The following GPM6A variants were observed in gnomAD, a reference collection of about 807,000 sequenced individuals.
GPM6A encodes glycoprotein M6A.
GPM6A carries 7 observed loss-of-function variants against 32.1 expected under a neutral mutation model. The ratio of observed to expected loss-of-function variants is 0.22; its 90% CI spans 0.12 to 0.41. The LOEUF (loss-of-function observed/expected upper bound fraction) is 0.41. Among genes scored for constraint, GPM6A ranks in the 10% least tolerant of loss-of-function variants. The probability of loss-of-function intolerance (pLI) is 1.00; values close to 1 mark genes in which losing one functional copy is unlikely to be tolerated. For missense variants in GPM6A, 235 were observed against 347.2 expected (o/e 0.68, Z 2.57); for synonymous variants, 130 against 123.4 (o/e 1.05, Z -0.35).
At chr4:175,793,135 C>A (rs1734076877) in intron 1 of GPM6A, among the ~76,000 whole-genome samples, 1 of 152,070 alleles carries the variant, frequency 6.6e-6, no homozygotes. Context: ...TACAGATGAG[C>A]CTACTATTAT....
At chr4:175,885,162 G>T (rs1285893024) in intron 1 of GPM6A, among the ~76,000 whole-genome samples, 1 of 152,064 alleles carries the variant, frequency 6.6e-6, no homozygotes, top group Non-Finnish European at 1.5e-5. Flanking sequence ...AATAAATTGT[G>T]GTATAACCAT....
At position 175,711,677 on chromosome 4, in the gene GPM6A, G is replaced by A. The variant is rs764702908; in HGVS notation, c.38-9910C>T. On this transcript the variant is annotated intron_variant, in intron 1 of 6. Coordinates refer to ENST00000393658, the MANE Select transcript of GPM6A (RefSeq NM_201591.3). ...GAATCCCCAGCTGTCTTGTGCATTC[G>A]GAGGATGGAGTTGGGCCTGGAGAAG... Among the ~76,000 whole-genome samples, 23 of 140,104 alleles carry A rather than the reference G, an allele frequency of 1.6e-4. 1 individual carries two copies. The highest frequency in any genetic ancestry group is 2.5e-4 in the Non-Finnish European group (16 of 64,858). 91.9% of individuals were successfully genotyped at this position (140,104 alleles called of 152,430 possible).
chr4:175,830,054 A>G (rs1439788568), intron 1 of GPM6A, among the ~76,000 whole-genome samples: 2 of 152,068 alleles, frequency 1.3e-5, no homozygotes, highest in Non-Finnish European at 2.9e-5. Context: ...ACTGCCACTG[A>G]TTTGAGGCAG....
rs534566337 is a variant in GPM6A at position 175,875,198 on chromosome 4, G to A, written c.-22-62949C>T. On this transcript the variant is annotated intron_variant, in intron 1 of 7. Coordinates refer to the GPM6A transcript ENST00000280187. ...TGTGCCCTGACAGGTTTCTGCCGAAGAATGATTCCCACAGCTCCCAGTTTC... is the reference window on the plus strand; with the variant it reads ...TGTGCCCTGACAGGTTTCTGCCGAAAAATGATTCCCACAGCTCCCAGTTTC... Among the ~76,000 whole-genome samples, 6 of 152,334 alleles carry A rather than the reference G, an allele frequency of 3.9e-5. No individual in the cohort carries two copies. The South Asian group carries it at 1.0e-3, about 26-fold the overall frequency.
intron 1 of GPM6A, among the ~76,000 whole-genome samples, chr4:175,871,973 T>C (rs1304239998): frequency 6.6e-6 from 1 of 152,228 alleles, no homozygotes; most frequent in Non-Finnish European, 1.5e-5. Flanking sequence ...AGAAAATGTC[T>C]GACTCATTCC....
At chr4:175,958,170 G>A (rs1740049620) in intron 1 of GPM6A, among the ~76,000 whole-genome samples, 1 of 152,220 alleles carries the variant, frequency 6.6e-6, no homozygotes, top group African/African-American at 2.4e-5. Flanking sequence ...TGGGATTACA[G>A]GCGTGAGCCA....
At chr4:175,711,429 T>TATATATATATATATATATATATAC (rs1745528179) in intron 1 of GPM6A, among the ~76,000 whole-genome samples, 1 of 66,552 alleles carries the variant, frequency 1.5e-5, no homozygotes, top group African/African-American at 5.3e-5. Context: ...TATATATATA[T>TATATATATATATATATATATATAC]ATATATATAT....
intron 4 of GPM6A, among the ~76,000 whole-genome samples, chr4:175,644,154 C>T (rs1324437281): frequency 8.2e-6 from 1 of 121,404 alleles, no homozygotes; most frequent in African/African-American, 3.1e-5. Context: ...GATGGAGTCT[C>T]GCTCTTTTGC....
intron 1 of GPM6A, among the ~76,000 whole-genome samples, chr4:175,942,594 T>C (rs1739448170): frequency 6.6e-6 from 1 of 152,208 alleles, no homozygotes; most frequent in South Asian, 2.1e-4. Flanking sequence ...TTTCTGCGTA[T>C]GGCTAGCCAG....
intron 1 of GPM6A, among the ~76,000 whole-genome samples, chr4:175,909,048 G>GA (rs201665054): frequency 1.0e-3 from 93 of 89,708 alleles, no homozygotes; most frequent in Middle Eastern, 0.01. Context: ...AGGGCGGGGG[G>GA]GGGGCAACTA....
intron 6 of GPM6A, among the ~76,000 whole-genome samples, chr4:175,637,739 T>C (rs1579326261): frequency 1.2e-5 from 1 of 84,980 alleles, no homozygotes; most frequent in Non-Finnish European, 2.1e-5. Context: ...TTATATATTA[T>C]ATAAAAATAT....
chr4:175,985,623 CT>C (rs1378328623), intron 1 of GPM6A, among the ~76,000 whole-genome samples: 1 of 152,080 alleles, frequency 6.6e-6, no homozygotes, highest in African/African-American at 2.4e-5. Flanking sequence ...AGTGAGTGTC[CT>C]TTTCCTGTAC....
At chr4:175,919,673 C>G (rs1052671491) in intron 1 of GPM6A, among the ~76,000 whole-genome samples, 2 of 152,188 alleles carry the variant, frequency 1.3e-5, no homozygotes, top group African/African-American at 2.4e-5. Context: ...CTCTCCTTCT[C>G]TCTCACATTA....
intron 1 of GPM6A, among the ~76,000 whole-genome samples, chr4:175,942,460 G>A (rs1297549692): frequency 1.3e-5 from 2 of 152,194 alleles, no homozygotes; most frequent in Non-Finnish European, 2.9e-5. Flanking sequence ...CCATGCCTAT[G>A]TCCTGAATGG....
chr4:175,695,390 T>C (rs1744521719), intron 2 of GPM6A, among the ~76,000 whole-genome samples: 1 of 152,186 alleles, frequency 6.6e-6, no homozygotes, highest in Non-Finnish European at 1.5e-5. Flanking sequence ...GACTGAACCC[T>C]GAAAAGTCAC....
At chr4:175,833,620 A>G (rs1735681149) in intron 1 of GPM6A, among the ~76,000 whole-genome samples, 1 of 152,178 alleles carries the variant, frequency 6.6e-6, no homozygotes, top group South Asian at 2.1e-4. Flanking sequence ...TAATTAAGAT[A>G]TATTATTTTC....
intron 1 of GPM6A, among the ~76,000 whole-genome samples, chr4:175,793,628 G>A (rs1024810902): frequency 1.3e-5 from 2 of 152,016 alleles, no homozygotes; most frequent in South Asian, 2.1e-4. Context: ...CGCCTGCCTC[G>A]GCCTCCCAAA....
At chr4:175,863,684 G>A (rs909711173) in intron 1 of GPM6A, among the ~76,000 whole-genome samples, 1 of 152,064 alleles carries the variant, frequency 6.6e-6, no homozygotes, top group Non-Finnish European at 1.5e-5. Context: ...ACAAATTTAT[G>A]TTGCCACCAG....
chr4:175,820,748 C>T (rs1027425448), intron 1 of GPM6A, among the ~76,000 whole-genome samples: 1 of 152,134 alleles, frequency 6.6e-6, no homozygotes, highest in Non-Finnish European at 1.5e-5. Flanking sequence ...ATCCACCTAC[C>T]TCAGCCTCCC....
Sources: allele counts gnomAD v4.1 joint callset (sites outside exome capture counted in the v4.1 genomes callset), GRCh38; gene constraint gnomAD v4.1.1; transcripts MANE v1.5; gene names NCBI Gene and HGNC (gene_info 2026-07-23, HGNC 2026-07-21).